The following HDAC9 variants were observed in gnomAD, a reference collection of about 807,000 sequenced individuals.
The protein encoded by HDAC9 is MEF-2 interacting transcription repressor (MITR) protein.
A neutral mutation model predicts 139.4 loss-of-function variants in HDAC9; 41 were observed. That is an observed-to-expected ratio of 0.29 (90% CI 0.23 to 0.38). The LOEUF is 0.38. Among genes scored for constraint, HDAC9 ranks in the 10% least tolerant of loss-of-function variants. HDAC9 has a pLI of 1.00. For missense variants in HDAC9, 1,147 were observed against 1,297.0 expected (o/e 0.88, Z 1.78); for synonymous variants, 517 against 476.2 (o/e 1.09, Z -1.12).
At chr7:18,895,102 G>A (rs757668025) in intron 22 of HDAC9, among the ~76,000 whole-genome samples, 29 of 152,156 alleles carry the variant, frequency 1.9e-4, no homozygotes, top group South Asian at 8.3e-4. Flanking sequence ...ATCTACTAGC[G>A]GAAAATAGCT....
chr7:18,872,650 A>G (rs903876406), intron 21 of HDAC9, among the ~76,000 whole-genome samples: 7 of 152,128 alleles, frequency 4.6e-5, no homozygotes, highest in African/African-American at 1.7e-4. Context: ...TCTGTAGATC[A>G]TCTCTGTGTT....
At chr7:18,904,079 C>T (rs1362200337) in intron 22 of HDAC9, among the ~76,000 whole-genome samples, 1 of 152,172 alleles carries the variant, frequency 6.6e-6, no homozygotes, top group East Asian at 1.9e-4. Context: ...AAACACCCAA[C>T]AATTGGAACA....
At chr7:18,398,071 T>A (rs1454248873) in intron 1 of HDAC9, among the ~76,000 whole-genome samples, 3 of 152,180 alleles carry the variant, frequency 2.0e-5, no homozygotes, top group Non-Finnish European at 4.4e-5. Flanking sequence ...ATTCCAAGTT[T>A]ATTCTAAAGT....
At chr7:18,974,745 T>G (rs550091547) in intron 24 of HDAC9, among the ~76,000 whole-genome samples, 3 of 152,194 alleles carry the variant, frequency 2.0e-5, no homozygotes, top group Non-Finnish European at 2.9e-5. Context: ...CATAAAATGT[T>G]AGAGCTGCAA....
intron 2 of HDAC9, among the ~76,000 whole-genome samples, chr7:18,283,588 T>A (rs934957485): frequency 4.1e-4 from 62 of 152,206 alleles, no homozygotes; most frequent in African/African-American, 1.4e-3. Flanking sequence ...AGGTTGTGAG[T>A]ACCCGTGGCC....
chr7:18,358,119 G>A (rs1250107629), intron 1 of HDAC9, among the ~76,000 whole-genome samples: 1 of 152,152 alleles, frequency 6.6e-6, no homozygotes, highest in South Asian at 2.1e-4. Context: ...AACCCCGGAG[G>A]CAGAGGTTGC....
chr7:18,162,512 T>G lies in HDAC9; in HGVS notation c.25+163T>G, dbSNP rs528961175. The stretch of plus-strand genomic sequence containing the variant: ...GAATTTTGCATTCGATAGCTAATTC[T>G]CTATTGCTTAACCCAGTTTGCTTCC... On this transcript the variant is annotated intron_variant, in intron 2 of 12. Coordinates refer to the HDAC9 transcript ENST00000417496. 5.8e-5 allele frequency: 37 copies of G among 634,240 alleles called. No individual in the cohort carries two copies. In the Admixed American group the frequency reaches 5.9e-4, roughly 10 times the overall value. The allele number at this position is 634,240 out of a possible 1,614,324, so 39.3% of individuals were successfully genotyped here.
chr7:18,230,375 T>G (rs993562515), intron 2 of HDAC9, among the ~76,000 whole-genome samples: 5 of 152,226 alleles, frequency 3.3e-5, no homozygotes, highest in Admixed American at 2.0e-4. Context: ...ACATGTTACG[T>G]GCCCACGAAG....
chr7:18,093,177 T>C (rs1444563187), intron 1 of HDAC9, among the ~76,000 whole-genome samples: 1 of 152,184 alleles, frequency 6.6e-6, no homozygotes, highest in South Asian at 2.1e-4. Flanking sequence ...GCAGTTTAGT[T>C]TATATTTCCC....
At chr7:18,879,441 A>G (rs1045568874) in intron 22 of HDAC9, among the ~76,000 whole-genome samples, 3 of 152,178 alleles carry the variant, frequency 2.0e-5, no homozygotes, top group Admixed American at 6.5e-5. Flanking sequence ...CCAAAACAGC[A>G]TGGTACTGGT....
chr7:18,469,421 G>A (rs965405790), intron 1 of HDAC9, among the ~76,000 whole-genome samples: 5 of 152,066 alleles, frequency 3.3e-5, no homozygotes, highest in African/African-American at 4.8e-5. Flanking sequence ...GGAAATACCA[G>A]ATCTAGTGTT....
intron 13 of HDAC9, among the ~76,000 whole-genome samples, chr7:18,734,878 C>T (rs549388245): frequency 1.2e-4 from 18 of 152,220 alleles, no homozygotes; most frequent in Non-Finnish European, 2.2e-4. Context: ...TCCTACTTCT[C>T]CACATCCTCT....
chr7:18,088,445 G>A (rs1024132023), intron 1 of HDAC9, among the ~76,000 whole-genome samples: 1 of 152,110 alleles, frequency 6.6e-6, no homozygotes, highest in Non-Finnish European at 1.5e-5. Flanking sequence ...CTGGAAAAAG[G>A]GAGTACGTAC....
At chr7:18,887,363 G>A (rs563230866) in intron 22 of HDAC9, among the ~76,000 whole-genome samples, 1 of 152,268 alleles carries the variant, frequency 6.6e-6, no homozygotes, top group South Asian at 2.1e-4. Context: ...GAACCACTGG[G>A]CTAGTGATTG....
Position 18,179,957 on chromosome 7 carries a change from C to G in HDAC9, c.25+17608C>G, listed in dbSNP as rs577985727. Among the ~76,000 whole-genome samples the G allele has an allele frequency of 3.3e-5, 5 of 152,252 alleles. No individual in the cohort carries two copies. The South Asian group carries it at 1.0e-3, about 32-fold the overall frequency. ...CCTTTTTTGAATGTCACAAAAATCT[C>G]ATGTCTATAAGCCTCTCCACACTGA... On this transcript the variant is annotated intron_variant, in intron 2 of 12. Transcript: ENST00000417496.
chr7:18,180,263 A>ACACACACC (rs1554322968), intron 2 of HDAC9, among the ~76,000 whole-genome samples: 36 of 149,542 alleles, frequency 2.4e-4, no homozygotes, highest in Middle Eastern at 3.2e-3. Context: ...ACACACACAC[A>ACACACACC]CACACACACA....
Position 18,542,240 on chromosome 7 carries a change from A to G in HDAC9, c.23-43041A>G, listed in dbSNP as rs567407061. Among the ~76,000 whole-genome samples the G allele has an allele frequency of 5.3e-5, 8 of 152,316 alleles. 1 individual carries two copies. The South Asian group carries it at 1.7e-3, about 32-fold the overall frequency. On this transcript the variant is annotated intron_variant, in intron 2 of 25. Transcript: ENST00000686413. ...ATTTTCCCCTTAGAGCTTCTCCTACAGAGGGGTTAGGAGCATATCTGAAGC... is the reference window on the plus strand; with the variant it reads ...ATTTTCCCCTTAGAGCTTCTCCTACGGAGGGGTTAGGAGCATATCTGAAGC...
At chr7:18,777,422 A>C (rs530879636) in intron 16 of HDAC9, among the ~76,000 whole-genome samples, 1 of 152,014 alleles carries the variant, frequency 6.6e-6, no homozygotes, top group African/African-American at 2.4e-5. Context: ...TGGCTGGTCC[A>C]TCCTGATTTA....
chr7:18,913,911 C>T (rs568047195), intron 22 of HDAC9, among the ~76,000 whole-genome samples: 1 of 151,758 alleles, frequency 6.6e-6, no homozygotes, highest in African/African-American at 2.4e-5. Context: ...TCTTAAAAAA[C>T]AAAAACAAAA....
Sources: allele counts gnomAD v4.1 joint callset (sites outside exome capture counted in the v4.1 genomes callset), GRCh38; gene constraint gnomAD v4.1.1; transcripts MANE v1.5; gene names NCBI Gene and HGNC (gene_info 2026-07-23, HGNC 2026-07-21).